The following HPR variants were observed in gnomAD, a reference collection of about 807,000 sequenced individuals.
HPR encodes the protein haptoglobin-related protein.
Under a neutral mutation model 18.5 loss-of-function variants are expected in HPR, and 17 were observed. The observed-to-expected ratio is 0.92, with a 90% CI of 0.63 to 1.38. The LOEUF is 1.38. HPR is among the 40% of genes most tolerant of loss of function. The pLI is 0.00. For missense variants in HPR, 457 were observed against 432.4 expected (o/e 1.06, Z -0.51); for synonymous variants, 176 against 165.0 (o/e 1.07, Z -0.51).
In HPR at chr16:72,076,887, A is replaced by G; in HGVS notation, c.853A>G (p.Met285Val). 1 of 1,614,226 alleles carries G rather than the reference A, an allele frequency of 6.2e-7. No homozygotes were observed. Among genetic ancestry groups the G allele is most frequent in the Non-Finnish European group, 8.5e-7 (1 of 1,180,036 alleles). Residue 285 changes from methionine (M) to valine (V), a missense_variant, in exon 5 of 5, where the codon ATG becomes GTG. Transcript: ENST00000540303. ...GAACGAACACACCTTCTGTGTCGGC[A>G]TGTCTAAGTACCAGGAAGACACCTG... ...ILNEHTFCVG[M>V]SKYQEDTCYG...
intron 1 of HPR, among the ~76,000 whole-genome samples, chr16:72,066,249 G>T (rs1027684047): frequency 1.3e-5 from 2 of 152,174 alleles, no homozygotes; most frequent in African/African-American, 4.8e-5. Context: ...GCCACTGCTA[G>T]ATGACCCCTA....
chr16:72,074,514 G>A (rs152836), intron 3 of HPR, 129 bp downstream of exon 3: 285 of 878,392 alleles, frequency 3.2e-4, no homozygotes, highest in South Asian at 1.7e-3. Context: ...TTTAGATTCT[G>A]ATAAGCGTTT....
At chr16:72,075,685 T>C (rs149460989) in intron 4 of HPR, among the ~76,000 whole-genome samples, 6 of 152,354 alleles carry the variant, frequency 3.9e-5, no homozygotes, top group Middle Eastern at 3.4e-3. Context: ...CAGCCTCTTC[T>C]GCTGTGAGTG....
Position 72,076,207 on chromosome 16 carries a change from T to C in HPR, c.269-96T>C, listed in dbSNP as rs574147580. The C allele has an allele frequency of 1.5e-5, 24 of 1,574,318 alleles. No individual in the cohort carries two copies. The African/African-American group carries it at 3.1e-4, about 20-fold the overall frequency. The stretch of plus-strand genomic sequence containing the variant: ...ACAAAGCATTTAAATCTTTCCAGTT[T>C]ATGCAGCAGTGACAGCCGCCAATGC... On this transcript the variant is annotated intron_variant, in intron 4 of 4. Coordinates refer to ENST00000540303, the MANE Select transcript of HPR (RefSeq NM_020995.4).
intron 1 of HPR, among the ~76,000 whole-genome samples, chr16:72,066,655 C>A (rs996547967): frequency 6.6e-6 from 1 of 152,164 alleles, no homozygotes; most frequent in Admixed American, 6.6e-5. Context: ...ATATACAGGT[C>A]TGAATTTAGA....
chr16:72,073,648 G>A, intron 1 of HPR: 1 of 1,353,964 alleles, frequency 7.4e-7, no homozygotes, highest in East Asian at 3.3e-5. Context: ...GAGCTTGCTG[G>A]AAGCTTGGTA....
intron 1 of HPR, among the ~76,000 whole-genome samples, chr16:72,068,117 AC>A (rs1214596121): frequency 2.0e-5 from 3 of 152,124 alleles, no homozygotes; most frequent in African/African-American, 7.2e-5. Context: ...CTGTTCCAAA[AC>A]AATTATGCCT....
chr16:72,072,416 C>T (rs925375362), intron 1 of HPR, among the ~76,000 whole-genome samples: 3 of 152,118 alleles, frequency 2.0e-5, no homozygotes, highest in African/African-American at 7.2e-5. Flanking sequence ...ATGATACCAG[C>T]GAAAGAGGGT....
chr16:72,075,903 G>A (rs1373991810), intron 4 of HPR, among the ~76,000 whole-genome samples: 1 of 147,894 alleles, frequency 6.8e-6, no homozygotes, highest in African/African-American at 2.5e-5. Flanking sequence ...GCTAATTCCT[G>A]ACCTCAGGTG....
rs1377470275 is a variant in HPR at position 72,076,775 on chromosome 16, C to T, written c.741C>T (p.Asp247=). ...HLKYVMLPVA[D]QYDCITHYEG... is the part of the protein sequence containing the mutation. ...AGTATGTCATGCTGCCTGTGGCTGA[C>T]CAATACGATTGCATAACGCATTATG... Residue 247 remains aspartate, a synonymous_variant, in exon 5 of 5, where the codon GAC becomes GAT. Coordinates refer to ENST00000540303, the MANE Select transcript of HPR (RefSeq NM_020995.4). 6.2e-7 allele frequency: 1 copy of T among 1,614,204 alleles called. No individual in the cohort carries two copies. Among genetic ancestry groups the T allele is most frequent in the African/African-American group, 1.3e-5 (1 of 75,048 alleles).
At position 72,075,195 on chromosome 16, in the gene HPR, G is replaced by C. The variant is rs1336977590; in HGVS notation, c.244G>C (p.Asp82His). The C allele has an allele frequency of 6.8e-7, 1 of 1,478,380 alleles. No homozygotes were observed. Among genetic ancestry groups the C allele is most frequent in the Non-Finnish European group, 9.3e-7 (1 of 1,077,192 alleles). 91.6% of individuals were successfully genotyped at this position (1,478,380 alleles called of 1,614,324 possible). A position where few individuals can be genotyped will look rare whatever the true frequency, so the allele number is the denominator to read the frequency against. Reference sequence around the variant, plus strand: ...GCAGTGGATAAATAAGGCTGTTGGAGATAAACTTCCTGAATGTGAAGCAGG... The same window carrying C: ...GCAGTGGATAAATAAGGCTGTTGGACATAAACTTCCTGAATGTGAAGCAGG... ...KKQWINKAVG[D>H]KLPECEAVCG... The change falls in exon 4 of 5, where the codon GAT becomes CAT. Residue 82 changes from aspartate to histidine, a missense_variant. By Grantham distance (81) the Asp-to-His change is moderately conservative (BLOSUM62 -1). Coordinates refer to ENST00000540303, the MANE Select transcript of HPR (RefSeq NM_020995.4).
At chr16:72,064,675 C>T (rs1303933542) in intron 1 of HPR, among the ~76,000 whole-genome samples, 1 of 152,196 alleles carries the variant, frequency 6.6e-6, no homozygotes, top group Non-Finnish European at 1.5e-5. Context: ...CCAGACTTAC[C>T]AGGAGCTCTA....
Position 72,076,979 on chromosome 16 carries a change from G to T in HPR, c.945G>T (p.Gly315=). The part of the protein sequence containing the change: ...DLEEDTWYAA[G]ILSFDKSCAV... ...AGGAGGACACCTGGTACGCGGCTGG[G>T]ATCCTAAGCTTTGATAAGAGCTGTG... is the stretch of plus-strand genomic sequence containing the variant. The change falls in exon 5 of 5, where the codon GGG becomes GGT. Residue 315 remains glycine, a synonymous_variant. Coordinates refer to ENST00000540303, the MANE Select transcript of HPR (RefSeq NM_020995.4). The T allele has an allele frequency of 6.2e-7, 1 of 1,614,228 alleles. No individual in the cohort carries two copies. The highest frequency in any genetic ancestry group is 8.5e-7 in the Non-Finnish European group (1 of 1,180,054).
chr16:72,071,065 A>C (rs1326754184), intron 1 of HPR, among the ~76,000 whole-genome samples: 1 of 152,172 alleles, frequency 6.6e-6, no homozygotes, highest in East Asian at 1.9e-4. Flanking sequence ...AAATGTTACA[A>C]AACAAAATCC....
intron 1 of HPR, among the ~76,000 whole-genome samples, chr16:72,066,132 A>G (rs1245379426): frequency 1.3e-5 from 2 of 152,220 alleles, no homozygotes; most frequent in African/African-American, 4.8e-5. Context: ...GGAGTCAGCC[A>G]TAACTTTCTT....
chr16:72,070,834 T>C (rs1435237480), intron 1 of HPR, among the ~76,000 whole-genome samples: 1 of 152,126 alleles, frequency 6.6e-6, no homozygotes, highest in Admixed American at 6.5e-5. Context: ...GTCCCTGTGG[T>C]GACTGGACAG....
intron 1 of HPR, among the ~76,000 whole-genome samples, chr16:72,064,658 G>A (rs143710148): frequency 9.5e-4 from 144 of 152,264 alleles, no homozygotes; most frequent in African/African-American, 3.1e-3. Context: ...GGGTGCTCTC[G>A]TGGCAACCAG....
intron 1 of HPR, among the ~76,000 whole-genome samples, chr16:72,064,982 T>C (rs1407183858): frequency 6.6e-6 from 1 of 152,164 alleles, no homozygotes; most frequent in South Asian, 2.1e-4. Context: ...GGTAACTCTG[T>C]GCGCAGACCA....
intron 1 of HPR, 46 bp from the exon 2 acceptor site, chr16:72,073,846 A>T (rs1420486446): frequency 5.6e-6 from 9 of 1,612,638 alleles, no homozygotes; most frequent in Non-Finnish European, 7.6e-6. Flanking sequence ...ATGTGCTGTG[A>T]AGCAGGGAGA....
Sources: gnomAD v4.1 joint callset for allele counts (sites outside exome capture counted in the v4.1 genomes callset) on GRCh38, gnomAD v4.1.1 for gene constraint, MANE v1.5 for transcripts, NCBI Gene and HGNC (gene_info 2026-07-23, HGNC 2026-07-21) for gene names.